Variants in DTNA observed in about 807,000 individuals in gnomAD.
The protein encoded by DTNA is dystrobrevin alpha.
In DTNA, 43 loss-of-function variants were observed where a neutral mutation model predicts 100.7. The ratio of observed to expected loss-of-function variants is 0.43; its 90% confidence interval spans 0.33 to 0.55. DTNA has a LOEUF of 0.55. DTNA is among the 20% of genes least tolerant of loss of function. DTNA has a pLI of 0.04. For missense variants in DTNA, 798 were observed against 953.9 expected, an observed-to-expected ratio of 0.84 and a Z score of 2.15; for synonymous variants, 349 against 347.9, an observed-to-expected ratio of 1.00 and a Z score of -0.04.
chr18:34,824,397 A>G (rs1344800582), intron 9 of DTNA, among the ~76,000 whole-genome samples: 1 of 152,042 alleles, frequency 6.6e-6, no homozygotes, highest in East Asian at 1.9e-4. Context: ...AATGGCGTGA[A>G]CCAGGGAGGC....
intron 9 of DTNA, 31 bp downstream of exon 9, chr18:34,820,946 C>A (rs1602649170): frequency 7.9e-7 from 1 of 1,269,828 alleles, no homozygotes; most frequent in Non-Finnish European, 1.1e-6. Context: ...AGTATAGAGA[C>A]AATTTTCTTC....
chr18:34,866,230 C>T lies in DTNA; in HGVS notation c.1743+2168C>T, dbSNP rs999490997. The T allele has an allele frequency of 2.3e-5, 37 of 1,610,398 alleles. No individual in the cohort carries two copies. The Admixed American group carries it at 5.2e-4, about 23-fold the overall frequency. On this transcript the variant is annotated intron_variant, in intron 17 of 22. Transcript: ENST00000444659. Reference sequence around the variant, plus strand: ...TTTGCTCTAATGTATGTTCATGCTTCAGTTTGGAAAGAGAAAAAAGTCATA... The same window carrying T: ...TTTGCTCTAATGTATGTTCATGCTTTAGTTTGGAAAGAGAAAAAAGTCATA...
chr18:34,589,960 A>G (rs2049534670), intron 1 of DTNA, among the ~76,000 whole-genome samples: 1 of 152,132 alleles, frequency 6.6e-6, no homozygotes, highest in East Asian at 1.9e-4. Flanking sequence ...GGGGCTGGAT[A>G]AGATTCTGCA....
At chr18:34,851,194 C>T (rs892445122) in intron 14 of DTNA, among the ~76,000 whole-genome samples, 1 of 152,180 alleles carries the variant, frequency 6.6e-6, no homozygotes, top group Admixed American at 6.5e-5. Flanking sequence ...ACCTCCACCT[C>T]GGGCTCAAGC....
intron 15 of DTNA, among the ~76,000 whole-genome samples, chr18:34,853,683 A>G (rs558354049): frequency 4.8e-4 from 73 of 152,280 alleles, no homozygotes; most frequent in African/African-American, 1.7e-3. Context: ...ATTAAAAAAA[A>G]GTTTGTCACA....
chr18:34,818,246 C>T lies in DTNA; in HGVS notation c.792C>T (p.Tyr264=), dbSNP rs765649938. ...FRYRCQQCHN[Y]QLCQDCFWRG... ...ACCGATGCCAACAGTGTCACAATTACCAGCTCTGTCAGGACTGCTTCTGGA... is the reference window on the plus strand; with the variant it reads ...ACCGATGCCAACAGTGTCACAATTATCAGCTCTGTCAGGACTGCTTCTGGA... The change falls in exon 8 of 23, where the codon TAC becomes TAT. Residue 264 remains tyrosine (Y), a synonymous_variant. Transcript: ENST00000444659. 6.2e-7 allele frequency: 1 copy of T among 1,614,066 alleles called. No homozygotes were observed. The highest frequency in any genetic ancestry group is 1.1e-5 in the South Asian group (1 of 91,078).
intron 17 of DTNA, among the ~76,000 whole-genome samples, chr18:34,870,198 C>G (rs1474367344): frequency 6.7e-6 from 1 of 149,668 alleles, no homozygotes; most frequent in African/African-American, 2.4e-5. Flanking sequence ...ATTGTTCTAA[C>G]TTGGTGGGGA....
Position 34,715,390 on chromosome 18 carries a change from G to T in DTNA, c.-2+4945G>T, listed in dbSNP as rs189807400. Among the ~76,000 whole-genome samples the T allele has an allele frequency of 2.6e-5, 4 of 152,126 alleles. No individual in the cohort carries two copies. In the South Asian group the frequency reaches 8.3e-4, roughly 32 times the overall value. ...ATTATTAGCTGGATATTTTAGAGTG[G>T]TATTACTATAATAATTCCCCACTCT... On this transcript the variant is annotated intron_variant, in intron 1 of 22. Transcript: ENST00000444659.
chr18:34,668,342 G>T (rs978002536), intron 1 of DTNA, among the ~76,000 whole-genome samples: 4 of 152,074 alleles, frequency 2.6e-5, no homozygotes, highest in Non-Finnish European at 5.9e-5. Context: ...CTTGCTAGCG[G>T]TCTATCAATT....
intron 1 of DTNA, among the ~76,000 whole-genome samples, chr18:34,533,514 A>C (rs2043363607): frequency 6.6e-6 from 1 of 152,112 alleles, no homozygotes; most frequent in South Asian, 2.1e-4. Flanking sequence ...AATATGTGTA[A>C]CTGGAACTAG....
rs1408907118 is a variant in DTNA at position 34,882,126 on chromosome 18, C to T, written c.2220C>T (p.Asp740=). ...CTGAAGATGAAAACTATGAAAATGA[C>T]TCTGTCCGGCAGCTGGAGAATGAGC... The part of the protein sequence containing the change: ...VQPEDENYEN[D]SVRQLENELQ... Residue 740 remains aspartate, a synonymous_variant, in exon 21 of 23, where the codon GAC becomes GAT. Transcript: ENST00000444659. The T allele has an allele frequency of 5.6e-6, 9 of 1,614,096 alleles. No homozygotes were observed. Among genetic ancestry groups the T allele is most frequent in the Non-Finnish European group, 7.6e-6 (9 of 1,180,002 alleles).
chr18:34,515,175 A>G (rs1198615325), intron 1 of DTNA, among the ~76,000 whole-genome samples: 1 of 152,108 alleles, frequency 6.6e-6, no homozygotes, highest in Non-Finnish European at 1.5e-5. Context: ...CATTCCAAAC[A>G]GGATTTTTCA....
intron 1 of DTNA, among the ~76,000 whole-genome samples, chr18:34,572,729 C>T (rs948513689): frequency 7.2e-5 from 11 of 152,092 alleles, no homozygotes; most frequent in South Asian, 2.1e-4. Context: ...AGGAGGTTCT[C>T]CCCCACTTCC....
intron 3 of DTNA, among the ~76,000 whole-genome samples, chr18:34,776,288 C>T (rs999991253): frequency 6.6e-6 from 1 of 152,124 alleles, no homozygotes; most frequent in African/African-American, 2.4e-5. Flanking sequence ...TAATGACACC[C>T]CCAAAGCATC....
chr18:34,680,421 G>A (rs2077945583), intron 1 of DTNA, among the ~76,000 whole-genome samples: 1 of 152,120 alleles, frequency 6.6e-6, no homozygotes, highest in Admixed American at 6.6e-5. Flanking sequence ...CTCCTCCTAA[G>A]TCTAGTTTTC....
At chr18:34,633,571 AGGT>A (rs2058329643) in intron 1 of DTNA, among the ~76,000 whole-genome samples, 1 of 152,170 alleles carries the variant, frequency 6.6e-6, no homozygotes, top group Non-Finnish European at 1.5e-5. Context: ...GCAGAGGGCC[AGGT>A]GGTATGCAGA....
intron 1 of DTNA, among the ~76,000 whole-genome samples, chr18:34,637,729 C>A (rs944272354): frequency 2.0e-5 from 3 of 152,090 alleles, no homozygotes; most frequent in Non-Finnish European, 4.4e-5. Flanking sequence ...CTTATGAAAC[C>A]CCAAAGCAGT....
rs950336507 is a variant in DTNA at position 34,504,632 on chromosome 18, T to C, written c.-2+11118T>C. 4.6e-5 allele frequency among the ~76,000 whole-genome samples: 7 copies of C among 152,334 alleles called. No homozygotes were observed. In the South Asian group the frequency reaches 1.4e-3, roughly 32 times the overall value. On this transcript the variant is annotated intron_variant, in intron 1 of 19. Coordinates refer to the DTNA transcript ENST00000283365. ...TAAGATTCTAGGTTGAGAGGCCTTTTCTTAAAGCAATTGAAATATGTTGTG... is the reference window on the plus strand; with the variant it reads ...TAAGATTCTAGGTTGAGAGGCCTTTCCTTAAAGCAATTGAAATATGTTGTG...
intron 1 of DTNA, among the ~76,000 whole-genome samples, chr18:34,565,890 C>T (rs1016184979): frequency 2.6e-5 from 4 of 152,194 alleles, no homozygotes; most frequent in Middle Eastern, 3.2e-3. Context: ...ACCTCCATTG[C>T]AGATCGGGTT....
Sources: gnomAD v4.1 joint callset for allele counts (sites outside exome capture counted in the v4.1 genomes callset) on GRCh38, gnomAD v4.1.1 for gene constraint, MANE v1.5 for transcripts, NCBI Gene and HGNC (gene_info 2026-07-23, HGNC 2026-07-21) for gene names.